Variants in PTGER3 observed in about 807,000 individuals in gnomAD.
PTGER3 encodes prostaglandin E receptor 3, also known as prostaglandin E2 receptor EP3 subtype.
A neutral mutation model predicts 34.7 loss-of-function variants in PTGER3; 22 were observed. That is an observed-to-expected ratio of 0.63 (90% CI 0.45 to 0.91). PTGER3 has a LOEUF of 0.91. Ranked by LOEUF, PTGER3 falls within the 40% of genes least tolerant of loss-of-function variation. The pLI is 0.00. For synonymous variants in PTGER3, 241 were observed against 230.1 expected (o/e 1.05, Z -0.43); for missense variants, 468 against 519.4 (o/e 0.90, Z 0.96).
At chr1:70,981,320 CTTCTTTCTTTCTTTCTTTCTTTCTTTCT>C (rs57513190) in intron 2 of PTGER3, among the ~76,000 whole-genome samples, 15 of 71,380 alleles carry the variant, frequency 2.1e-4, no homozygotes, top group African/African-American at 7.9e-4. Context: ...TCCTTCCTTT[CTTCTTTCTTTCTTTCTTTCTTTCTTTCT>C]TTCTTTCTTT....
intron 4 of PTGER3, among the ~76,000 whole-genome samples, chr1:70,943,235 G>T (rs1195902708): frequency 6.6e-6 from 1 of 152,150 alleles, no homozygotes. Context: ...ATGTTCATTA[G>T]AATGGATTAA....
At chr1:71,006,776 T>A in intron 2 of PTGER3, 1 of 985,366 alleles carries the variant, frequency 1.0e-6, no homozygotes, top group Non-Finnish European at 1.2e-6. Flanking sequence ...GCACATCAAA[T>A]GGGATTTCAG....
chr1:70,996,024 C>T (rs1318707230), intron 2 of PTGER3, among the ~76,000 whole-genome samples: 1 of 152,110 alleles, frequency 6.6e-6, no homozygotes, highest in East Asian at 1.9e-4. Context: ...GCTGGTAAGT[C>T]AAGAACCATA....
chr1:70,884,006 G>A (rs1646446050), intron 4 of PTGER3: 1 of 354,736 alleles, frequency 2.8e-6, no homozygotes, highest in Middle Eastern at 5.7e-4. Context: ...AGATTGCAGT[G>A]AGTGGAGGAG....
chr1:71,023,630 T>G (rs1658622825), intron 1 of PTGER3, among the ~76,000 whole-genome samples: 1 of 151,898 alleles, frequency 6.6e-6, no homozygotes, highest in Non-Finnish European at 1.5e-5. Flanking sequence ...TCTTATCTTT[T>G]TCCTCAAAGG....
intron 1 of PTGER3, among the ~76,000 whole-genome samples, 187 bp downstream of exon 1, chr1:71,046,494 C>G (rs1660828199): frequency 6.6e-6 from 1 of 152,180 alleles, no homozygotes; most frequent in Non-Finnish European, 1.5e-5. Flanking sequence ...TCTTGGAAGG[C>G]GCTCAGCTAG....
rs142337028 is a variant in PTGER3, at chr1:70,888,861, G to T, written c.*24-36002C>A. 4.1e-3 allele frequency among the ~76,000 whole-genome samples: 628 copies of T among 152,142 alleles called. 8 individuals carry two copies. Among genetic ancestry groups the T allele is most frequent in the East Asian group, 0.018 (93 of 5,170 alleles). On this transcript the variant is annotated intron_variant, in intron 4 of 4. Coordinates refer to the PTGER3 transcript ENST00000370931. ...AAAGATGCCTGTTTCTTTGGGATTCGCCTTCCCTCTCCTCTGCCTGGCACC... is the reference window on the plus strand; with the variant it reads ...AAAGATGCCTGTTTCTTTGGGATTCTCCTTCCCTCTCCTCTGCCTGGCACC...
exon 5 of PTGER3, chr1:70,852,775 T>C: frequency 1.3e-6 from 2 of 1,581,884 alleles, no homozygotes; most frequent in South Asian, 2.2e-5. Context: ...TGTGATTTTT[T>C]TTTCTTTTAC....
At chr1:70,934,858 A>C (rs1400986636) in intron 4 of PTGER3, among the ~76,000 whole-genome samples, 2 of 152,326 alleles carry the variant, frequency 1.3e-5, no homozygotes, top group East Asian at 1.9e-4. Flanking sequence ...CACAAAAAAC[A>C]GTTGGCCAAG....
chr1:70,892,185 T>A (rs1357018761), intron 4 of PTGER3, among the ~76,000 whole-genome samples: 1 of 152,180 alleles, frequency 6.6e-6, no homozygotes, highest in Non-Finnish European at 1.5e-5. Flanking sequence ...AGACCTGCAT[T>A]TCAAACCCAA....
chr1:70,928,165 T>G (rs1283657216), intron 4 of PTGER3, among the ~76,000 whole-genome samples: 1 of 145,684 alleles, frequency 6.9e-6, no homozygotes, highest in Non-Finnish European at 1.5e-5. Context: ...ATATATATTT[T>G]TATAGACATA....
intron 4 of PTGER3, among the ~76,000 whole-genome samples, chr1:70,905,494 G>A (rs928056325): frequency 6.6e-6 from 1 of 152,178 alleles, no homozygotes; most frequent in Non-Finnish European, 1.5e-5. Context: ...CCAAGTCTAT[G>A]GGAACCCACC....
intron 4 of PTGER3, among the ~76,000 whole-genome samples, chr1:70,889,110 A>T (rs781594134): frequency 3.2e-4 from 49 of 152,220 alleles, no homozygotes; most frequent in Non-Finnish European, 6.3e-4. Flanking sequence ...AGGCAAATTA[A>T]CCCCTCAAAT....
chr1:70,863,727 C>T (rs1481071569), intron 4 of PTGER3, among the ~76,000 whole-genome samples: 1 of 150,474 alleles, frequency 6.6e-6, no homozygotes, highest in African/African-American at 2.4e-5. Context: ...TGGATAGGAA[C>T]AGAGAAGAAA....
chr1:70,934,659 A>G (rs970391808), intron 4 of PTGER3, among the ~76,000 whole-genome samples: 13 of 152,194 alleles, frequency 8.5e-5, no homozygotes, highest in Admixed American at 7.2e-4. Context: ...CCATTGATAC[A>G]TAAATACAGG....
At chr1:70,903,635 A>G (rs1338695329) in intron 4 of PTGER3, among the ~76,000 whole-genome samples, 3 of 152,272 alleles carry the variant, frequency 2.0e-5, no homozygotes, top group South Asian at 4.1e-4. Context: ...CAGAGCTACC[A>G]CTTTTCCCAC....
intron 4 of PTGER3, among the ~76,000 whole-genome samples, chr1:70,925,784 A>T (rs1648018324): frequency 6.6e-6 from 1 of 152,150 alleles, no homozygotes; most frequent in African/African-American, 2.4e-5. Flanking sequence ...GAGAGGTAAA[A>T]GTGAAGGTAG....
intron 4 of PTGER3, among the ~76,000 whole-genome samples, chr1:70,859,789 G>A (rs759736591): frequency 6.6e-6 from 1 of 152,150 alleles, no homozygotes; most frequent in Non-Finnish European, 1.5e-5. Flanking sequence ...ATGAGAAACT[G>A]AGCCTTATCC....
At chr1:71,009,386 C>T (rs545920474) in intron 2 of PTGER3, 11 of 978,762 alleles carry the variant, frequency 1.1e-5, no homozygotes, top group Middle Eastern at 5.2e-4. Flanking sequence ...TGATTAAACA[C>T]TTACATTTAC....
Sources: allele counts gnomAD v4.1 joint callset (sites outside exome capture counted in the v4.1 genomes callset), GRCh38; gene constraint gnomAD v4.1.1; transcripts MANE v1.5; gene names NCBI Gene and HGNC (gene_info 2026-07-23, HGNC 2026-07-21).